Variants in REV1 observed in about 807,000 individuals in gnomAD.
REV1 encodes REV1 DNA directed polymerase.
Under a neutral mutation model 137.4 loss-of-function variants are expected in REV1, and 42 were observed. That is an observed-to-expected ratio of 0.31 (90% CI 0.24 to 0.40). The LOEUF (loss-of-function observed/expected upper bound fraction) is 0.40. Ranked by LOEUF, REV1 falls within the 10% of genes least tolerant of loss-of-function variation. The probability of loss-of-function intolerance (pLI) is 1.00; values close to 1 mark genes in which losing one functional copy is unlikely to be tolerated. For synonymous variants in REV1, 524 were observed against 519.2 expected, an observed-to-expected ratio of 1.01 and a Z score of -0.12; for missense variants, 1,282 against 1,490.1, an observed-to-expected ratio of 0.86 and a Z score of 2.30.
At chr2:99,466,593 GTTT>G (rs1251416225) in intron 1 of REV1, among the ~76,000 whole-genome samples, 1 of 152,132 alleles carries the variant, frequency 6.6e-6, no homozygotes, top group Non-Finnish European at 1.5e-5. Context: ...GCAGGATTTG[GTTT>G]TTGTTTGTTG....
chr2:99,428,336 G>C (rs1269581910), intron 9 of REV1, among the ~76,000 whole-genome samples: 1 of 152,180 alleles, frequency 6.6e-6, no homozygotes, highest in Non-Finnish European at 1.5e-5. Flanking sequence ...CAGCTCTAGA[G>C]TGCCTGTGGT....
At chr2:99,464,830 A>C (rs1684618370) in intron 2 of REV1, 92 bp downstream of exon 2, 1 of 1,222,820 alleles carries the variant, frequency 8.2e-7, no homozygotes, top group East Asian at 2.3e-5. Flanking sequence ...AGTAATTTAC[A>C]ATTTAGAAAA....
In REV1 at chr2:99,404,687, G is replaced by A. The variant is rs374541203; in HGVS notation, c.2812-10C>T. ...AAACAGACTGATCCAGCTATAAAAT[G>A]CCAAACATATGAGTAGGAAGTTAAA... is the stretch of plus-strand genomic sequence containing the variant. On this transcript the variant is annotated splice_polypyrimidine_tract_variant and intron_variant, in intron 17 of 22. Coordinates refer to ENST00000258428, the MANE Select transcript of REV1 (RefSeq NM_016316.4). 2.5e-6 allele frequency: 4 copies of A among 1,590,836 alleles called. No homozygotes were observed. The highest frequency in any genetic ancestry group is 3.4e-6 in the Non-Finnish European group (4 of 1,162,674).
chr2:99,481,399 T>A (rs571502635), intron 1 of REV1, among the ~76,000 whole-genome samples: 8 of 152,182 alleles, frequency 5.3e-5, no homozygotes, highest in East Asian at 1.9e-4. Context: ...ATAAAAAAAA[T>A]GTTATGTAGT....
chr2:99,435,724 G>A (rs1310968423), intron 7 of REV1, 110 bp downstream of exon 7: 5 of 590,340 alleles, frequency 8.5e-6, no homozygotes, highest in Middle Eastern at 4.6e-4. Flanking sequence ...TGGAAGAACC[G>A]ATTTTCCCAA....
At position 99,439,131 on chromosome 2, in the gene REV1, T is replaced by G. The variant is rs1471150504; in HGVS notation, c.683A>C (p.His228Pro). Reference sequence around the variant, plus strand: ...TAAGGCACCATTAGAGCTAGGAGTGTGTCCATTAAAAATGGCAGTGCTCCC... The same window carrying G: ...TAAGGCACCATTAGAGCTAGGAGTGGGTCCATTAAAAATGGCAGTGCTCCC... ...PRGSTAIFNG[H>P]TPSSNGALKT... is the part of the protein sequence containing the mutation. Residue 228 changes from histidine (H) to proline (P), a missense_variant, in exon 6 of 23, where the codon CAC becomes CCC. This residue lies in a region of REV1 where 432 missense variants were observed against 438.0 expected (regional missense o/e 0.99). Transcript: ENST00000258428. 3 of 1,614,038 alleles carry G rather than the reference T, an allele frequency of 1.9e-6. No homozygotes were observed.
chr2:99,412,677 C>G (rs1677343158), intron 13 of REV1, 54 bp downstream of exon 13: 1 of 1,267,932 alleles, frequency 7.9e-7, no homozygotes, highest in African/African-American at 1.5e-5. Context: ...AGAGGTAGGA[C>G]TATGTAAAAA....
chr2:99,421,314 C>T (rs1028910379), intron 11 of REV1, among the ~76,000 whole-genome samples, 185 bp downstream of exon 11: 3 of 151,182 alleles, frequency 2.0e-5, no homozygotes, highest in African/African-American at 4.9e-5. Context: ...TTATTTATTG[C>T]GAAGATTATC....
intron 7 of REV1, 63 bp downstream of exon 7, chr2:99,435,771 C>T (rs1465058930): frequency 7.2e-6 from 6 of 837,614 alleles, no homozygotes; most frequent in Non-Finnish European, 1.1e-5. Flanking sequence ...ATTTTGTAAT[C>T]TCTTTGAATA....
intron 8 of REV1, 134 bp from the exon 9 acceptor site, chr2:99,430,082 T>C: frequency 2.1e-6 from 1 of 474,588 alleles, no homozygotes; most frequent in Non-Finnish European, 3.7e-6. Context: ...TCTATTGGTA[T>C]TATCTCCTTA....
intron 9 of REV1, among the ~76,000 whole-genome samples, chr2:99,428,468 G>A (rs1679659239): frequency 6.6e-6 from 1 of 152,298 alleles, no homozygotes; most frequent in South Asian, 2.1e-4. Flanking sequence ...ACATAATTCT[G>A]TTAATGAGAA....
intron 8 of REV1, chr2:99,431,790 G>C: frequency 1.0e-6 from 1 of 985,444 alleles, no homozygotes; most frequent in South Asian, 4.7e-5. Context: ...AGCGGAGTGA[G>C]TTGCTTCATG....
chr2:99,406,442 T>C lies in REV1; in HGVS notation c.2497A>G (p.Thr833Ala), dbSNP rs979809721. ...QLVPTNLNPS[T>A]CPSRPSVQSS... ...TGAACTGATGGGCGACTGGGACATG[T>C]GGAAGGGTTCAGATTAGTTGGAACC... The change falls in exon 16 of 23, where the codon ACA (threonine) becomes GCA (alanine). Residue 833 changes from threonine to alanine, a missense_variant. Thr to Ala is a moderately conservative substitution (Grantham distance 58, BLOSUM62 0). Around this residue, in one of 7 missense-constraint regions of REV1, gnomAD observed 372 missense variants for 482.3 expected, o/e 0.77. Coordinates refer to ENST00000258428, the MANE Select transcript of REV1 (RefSeq NM_016316.4). 1 of 1,613,542 alleles carries C rather than the reference T, an allele frequency of 6.2e-7. No individual in the cohort carries two copies. The highest frequency in any genetic ancestry group is 1.3e-5 in the African/African-American group (1 of 74,892).
chr2:99,402,960 C>T lies in REV1; in HGVS notation c.3313G>A (p.Ala1105Thr), dbSNP rs757670937. Residue 1105 changes from alanine to threonine, a missense_variant, in exon 20 of 23, where the codon GCC becomes ACC. Physicochemically the swap from Ala to Thr is moderately conservative, Grantham distance 58. Coordinates refer to ENST00000258428, the MANE Select transcript of REV1 (RefSeq NM_016316.4). Reference sequence around the variant, plus strand: ...ATTAACTTCTGGGGACTGCCACAGGCCCCTGGCAGAGTTTTTGCAGGACTG... The same window carrying T: ...ATTAACTTCTGGGGACTGCCACAGGTCCCTGGCAGAGTTTTTGCAGGACTG... ...LNSPAKTLPG[A>T]CGSPQKLIDG... The T allele has an allele frequency of 6.2e-7, 1 of 1,614,194 alleles. No homozygotes were observed. The highest frequency in any genetic ancestry group is 8.5e-7 in the Non-Finnish European group (1 of 1,180,028).
intron 8 of REV1, chr2:99,431,909 C>A: frequency 1.0e-6 from 1 of 985,320 alleles, no homozygotes; most frequent in Non-Finnish European, 1.2e-6. Context: ...TGTGGAGGAA[C>A]GGTTGGAGAA....
intron 3 of REV1, among the ~76,000 whole-genome samples, chr2:99,458,960 G>A (rs541503285): frequency 6.6e-6 from 1 of 152,216 alleles, no homozygotes; most frequent in African/African-American, 2.4e-5. Flanking sequence ...TGTAATCCCA[G>A]CACTTTGGGA....
chr2:99,477,477 T>C (rs1455216425), intron 1 of REV1, among the ~76,000 whole-genome samples: 2 of 152,186 alleles, frequency 1.3e-5, no homozygotes, highest in African/African-American at 4.8e-5. Context: ...CTCTGGACTA[T>C]TACAGGAGAA....
chr2:99,406,139 C>T, intron 16 of REV1, 33 bp from the exon 17 acceptor site: 1 of 1,555,966 alleles, frequency 6.4e-7, no homozygotes, highest in Non-Finnish European at 8.7e-7. Flanking sequence ...ATAGCCTCTT[C>T]AGATCATCGG....
intron 1 of REV1, among the ~76,000 whole-genome samples, chr2:99,485,102 C>T (rs79680082): frequency 0.013 from 1,998 of 152,248 alleles, 43 homozygotes; most frequent in African/African-American, 0.046. Context: ...GATCCTATTA[C>T]TTGTTAAAGT....
Sources: gnomAD v4.1 joint callset for allele counts (sites outside exome capture counted in the v4.1 genomes callset) on GRCh38, gnomAD v4.1.1 for gene constraint, gnomAD v4.1.1 regional missense constraint, MANE v1.5 for transcripts, NCBI Gene and HGNC (gene_info 2026-07-23, HGNC 2026-07-21) for gene names.